Variants in CSMD1 observed in about 807,000 individuals in gnomAD.
CSMD1 encodes CUB and Sushi multiple domains 1.
A neutral mutation model predicts 417.5 loss-of-function variants in CSMD1; 213 were observed. That is an observed-to-expected ratio of 0.51 (90% CI 0.46 to 0.57). The LOEUF is 0.57. Among genes scored for constraint, CSMD1 ranks in the 20% least tolerant of loss-of-function variants. The pLI is 0.00. For missense variants in CSMD1, 6,923 were observed against 4,529.7 expected (o/e 1.53, Z -15.17); for synonymous variants, 2,862 against 1,736.8 (o/e 1.65, Z -16.11).
intron 5 of CSMD1, among the ~76,000 whole-genome samples, chr8:3,979,761 A>G (rs978280751): frequency 2.0e-5 from 3 of 152,220 alleles, no homozygotes; most frequent in Non-Finnish European, 2.9e-5. Flanking sequence ...ACTGTGAGAA[A>G]TAAGTGTGTG....
chr8:4,955,820 A>G (rs1456412637), intron 1 of CSMD1, among the ~76,000 whole-genome samples: 2 of 152,172 alleles, frequency 1.3e-5, no homozygotes, highest in Non-Finnish European at 2.9e-5. Flanking sequence ...CAACATGGGA[A>G]TATTTAGGTC....
intron 3 of CSMD1, among the ~76,000 whole-genome samples, chr8:4,374,254 G>A (rs925003699): frequency 6.6e-6 from 1 of 152,054 alleles, no homozygotes; most frequent in Non-Finnish European, 1.5e-5. Flanking sequence ...ACTAACGTGT[G>A]AGTTAATTTT....
chr8:4,057,285 G>A (rs1176226547), intron 3 of CSMD1, among the ~76,000 whole-genome samples: 1 of 152,180 alleles, frequency 6.6e-6, no homozygotes, highest in East Asian at 1.9e-4. Context: ...GATGGCCAGT[G>A]ATGGTGAGCA....
intron 3 of CSMD1, among the ~76,000 whole-genome samples, chr8:4,396,391 T>C (rs538273953): frequency 6.6e-6 from 1 of 151,948 alleles, no homozygotes; most frequent in African/African-American, 2.4e-5. Context: ...TGCTTGAGCC[T>C]GGGAGGCAGA....
At chr8:4,213,493 T>C (rs181105452) in intron 3 of CSMD1, among the ~76,000 whole-genome samples, 2 of 152,238 alleles carry the variant, frequency 1.3e-5, no homozygotes, top group African/African-American at 4.8e-5. Flanking sequence ...TGAAAAACAC[T>C]TGCTAAATAA....
At chr8:4,737,374 A>G (rs1291100016) in intron 1 of CSMD1, among the ~76,000 whole-genome samples, 3 of 152,308 alleles carry the variant, frequency 2.0e-5, no homozygotes, top group African/African-American at 7.2e-5. Context: ...TCAGAAAAAA[A>G]AAATAACTAA....
chr8:3,999,583 G>A (rs1477543033), intron 4 of CSMD1, among the ~76,000 whole-genome samples: 5 of 152,170 alleles, frequency 3.3e-5, no homozygotes, highest in Non-Finnish European at 5.9e-5. Context: ...AATGCCAGGG[G>A]CATAGGGGTA....
chr8:4,006,530 G>A (rs1816129416), intron 4 of CSMD1, among the ~76,000 whole-genome samples: 1 of 152,208 alleles, frequency 6.6e-6, no homozygotes, highest in South Asian at 2.1e-4. Flanking sequence ...GCGACAGAGT[G>A]AGGCCTTGCC....
intron 1 of CSMD1, among the ~76,000 whole-genome samples, chr8:4,725,653 T>A (rs1205874493): frequency 6.6e-6 from 1 of 152,178 alleles, no homozygotes; most frequent in African/African-American, 2.4e-5. Flanking sequence ...CCTTTCAGAA[T>A]CTGCATTCTC....
intron 12 of CSMD1, among the ~76,000 whole-genome samples, chr8:3,425,890 G>A (rs1321474725): frequency 6.6e-6 from 1 of 152,108 alleles, no homozygotes; most frequent in Non-Finnish European, 1.5e-5. Context: ...AGATTTTAGT[G>A]TCTACCATCT....
At position 3,040,412 on chromosome 8, in the gene CSMD1, AT is replaced by A. The variant is rs1194836317; in HGVS notation, c.7661-10900del. Among the ~76,000 whole-genome samples, 273 of 143,714 alleles carry A rather than the reference AT, an allele frequency of 1.9e-3. 1 individual carries two copies. The highest frequency in any genetic ancestry group is 5.7e-3 in the African/African-American group (228 of 39,718). The allele number at this position is 143,714 out of a possible 152,430, so 94.3% of individuals were successfully genotyped here. ...AATATATATATATATATATATATAT[AT>A]AACAGAAATATATATATGTATATAC... On this transcript the variant is annotated intron_variant, in intron 50 of 69. Transcript: ENST00000635120.
intron 3 of CSMD1, among the ~76,000 whole-genome samples, chr8:4,342,150 G>A (rs1563073904): frequency 6.6e-6 from 1 of 151,874 alleles, no homozygotes; most frequent in Non-Finnish European, 1.5e-5. Context: ...ATCTAAGACT[G>A]TCTACCAAGC....
intron 12 of CSMD1, among the ~76,000 whole-genome samples, chr8:3,421,763 G>A (rs2116978378): frequency 6.6e-6 from 1 of 152,268 alleles, no homozygotes; most frequent in African/African-American, 2.4e-5. Context: ...TCAGCCTCCA[G>A]AGTAGCTGGG....
At chr8:3,036,531 C>T (rs1010112067) in intron 50 of CSMD1, among the ~76,000 whole-genome samples, 49 of 152,138 alleles carry the variant, frequency 3.2e-4, no homozygotes, top group African/African-American at 1.2e-3. Flanking sequence ...TAATCAGCCT[C>T]ATAACTGTTC....
chr8:4,145,019 T>A (rs1284370192), intron 3 of CSMD1, among the ~76,000 whole-genome samples: 2 of 151,102 alleles, frequency 1.3e-5, no homozygotes, highest in East Asian at 1.9e-4. Context: ...AAATAATAAT[T>A]ATCTTCTACT....
intron 50 of CSMD1, among the ~76,000 whole-genome samples, chr8:3,033,705 A>G (rs1285052402): frequency 1.3e-5 from 2 of 152,210 alleles, no homozygotes; most frequent in Non-Finnish European, 2.9e-5. Flanking sequence ...ACCATGGCAC[A>G]TGTATACCTA....
chr8:4,673,425 G>C (rs750392859), intron 1 of CSMD1, among the ~76,000 whole-genome samples: 21 of 152,100 alleles, frequency 1.4e-4, no homozygotes, highest in Non-Finnish European at 2.6e-4. Flanking sequence ...TTCCAACCTA[G>C]GGCCCAGAGG....
At chr8:3,887,494 G>A (rs887923538) in intron 5 of CSMD1, among the ~76,000 whole-genome samples, 1 of 152,192 alleles carries the variant, frequency 6.6e-6, no homozygotes, top group Non-Finnish European at 1.5e-5. Flanking sequence ...ACCTCTGGCT[G>A]AACATTAGAG....
At chr8:4,245,773 C>T (rs531663761) in intron 3 of CSMD1, among the ~76,000 whole-genome samples, 4 of 152,218 alleles carry the variant, frequency 2.6e-5, no homozygotes, top group African/African-American at 9.6e-5. Context: ...ACTCTGTTTT[C>T]ATATTTCCTA....
Sources: allele counts gnomAD v4.1 joint callset (sites outside exome capture counted in the v4.1 genomes callset), GRCh38; gene constraint gnomAD v4.1.1; transcripts MANE v1.5; gene names NCBI Gene and HGNC (gene_info 2026-07-23, HGNC 2026-07-21).